PTPN12: variants seen among roughly 807,000 people sequenced by gnomAD.
The protein encoded by PTPN12 is tyrosine-protein phosphatase non-receptor type 12.
A neutral mutation model predicts 97.6 loss-of-function variants in PTPN12; 29 were observed. The observed-to-expected ratio is 0.30, with a 90% confidence interval of 0.22 to 0.41. PTPN12 has a LOEUF of 0.41. PTPN12 is among the 10% of genes least tolerant of loss of function. The pLI is 1.00. For synonymous variants in PTPN12, 327 were observed against 300.4 expected (o/e 1.09, Z -0.91); for missense variants, 819 against 926.0 (o/e 0.88, Z 1.50).
At chr7:77,597,584 A>C (rs1327408568) in intron 6 of PTPN12, among the ~76,000 whole-genome samples, 1 of 152,130 alleles carries the variant, frequency 6.6e-6, no homozygotes, top group Non-Finnish European at 1.5e-5. Context: ...ATACTTATTA[A>C]TGGGGTACAT....
intron 13 of PTPN12, among the ~76,000 whole-genome samples, chr7:77,631,152 A>G (rs76909229): frequency 0.015 from 2,240 of 152,244 alleles, 55 homozygotes; most frequent in African/African-American, 0.051. Context: ...AAGGAGACAT[A>G]TGGTGATGAC....
At chr7:77,537,774 G>A (rs950598887) in intron 1 of PTPN12, 129 bp downstream of exon 1, 3 of 1,032,358 alleles carry the variant, frequency 2.9e-6, no homozygotes, top group South Asian at 4.1e-5. Flanking sequence ...GCACCAGCCG[G>A]GTGAGCCGGG....
At chr7:77,564,757 T>TTTTG (rs1808178272) in intron 1 of PTPN12, among the ~76,000 whole-genome samples, 17 of 92,436 alleles carry the variant, frequency 1.8e-4, no homozygotes, top group Non-Finnish European at 2.9e-4. Context: ...TTTTTTTTTT[T>TTTTG]TTTTTTTTTT....
intron 1 of PTPN12, among the ~76,000 whole-genome samples, chr7:77,557,902 C>T (rs866852496): frequency 1.7e-4 from 26 of 152,090 alleles, no homozygotes; most frequent in Non-Finnish European, 2.6e-4. Context: ...CTCAAAAATT[C>T]GTAATAATTC....
chr7:77,576,097 G>A (rs778355332), intron 2 of PTPN12, among the ~76,000 whole-genome samples: 3 of 152,076 alleles, frequency 2.0e-5, no homozygotes, highest in African/African-American at 4.8e-5. Flanking sequence ...CTCGTGATCC[G>A]CCTGCCTCGG....
intron 6 of PTPN12, among the ~76,000 whole-genome samples, chr7:77,594,083 T>C (rs1787948095): frequency 6.6e-6 from 1 of 152,230 alleles, no homozygotes; most frequent in Non-Finnish European, 1.5e-5. Flanking sequence ...ATGTTAACTA[T>C]AACTCACCAT....
intron 16 of PTPN12, among the ~76,000 whole-genome samples, chr7:77,638,103 G>A (rs1429562689): frequency 1.3e-5 from 2 of 150,600 alleles, no homozygotes; most frequent in African/African-American, 2.4e-5. Context: ...GACTACAGGC[G>A]CCCGCCACCA....
chr7:77,599,982 A>G (rs1788141756), intron 7 of PTPN12, among the ~76,000 whole-genome samples: 1 of 152,240 alleles, frequency 6.6e-6, no homozygotes, highest in East Asian at 1.9e-4. Flanking sequence ...AAATTTTTAA[A>G]AAACATGAAT....
intron 9 of PTPN12, 170 bp downstream of exon 9, chr7:77,607,471 G>A (rs1051001402): frequency 1.0e-5 from 5 of 502,156 alleles, no homozygotes; most frequent in Admixed American, 3.7e-5. Context: ...AGTGGCTTAC[G>A]CCTGTAATCC....
At chr7:77,599,140 A>G (rs762587123) in intron 7 of PTPN12, among the ~76,000 whole-genome samples, 6 of 151,932 alleles carry the variant, frequency 3.9e-5, no homozygotes, top group Admixed American at 6.6e-5. Context: ...TGGAATAGTT[A>G]TACCTTCTTT....
Position 77,571,203 on chromosome 7 carries a change from C to T in PTPN12, c.208+17C>T. ...TACTGCCATGTAAGTTGGAAATGCC[C>T]TTGATAAAATACATAGAAATGCTAA... On this transcript the variant is annotated intron_variant, in intron 2 of 17. Coordinates refer to ENST00000248594, the MANE Select transcript of PTPN12 (RefSeq NM_002835.4). The T allele has an allele frequency of 6.8e-7, 1 of 1,477,106 alleles. No homozygotes were observed. The highest frequency in any genetic ancestry group is 9.3e-7 in the Non-Finnish European group (1 of 1,072,614). 91.5% of individuals were successfully genotyped at this position (1,477,106 alleles called of 1,614,324 possible).
chr7:77,598,067 A>G (rs933665698), intron 7 of PTPN12, among the ~76,000 whole-genome samples, 166 bp downstream of exon 7: 5 of 152,080 alleles, frequency 3.3e-5, no homozygotes, highest in African/African-American at 4.8e-5. Context: ...GTGTCTACAA[A>G]AAGAAAAAAG....
chr7:77,541,380 G>A (rs778957905), intron 1 of PTPN12, among the ~76,000 whole-genome samples: 11 of 152,124 alleles, frequency 7.2e-5, no homozygotes, highest in African/African-American at 2.2e-4. Flanking sequence ...GTGAGCCACC[G>A]TAGCCGGCCT....
chr7:77,559,479 T>C (rs747961985), intron 1 of PTPN12, among the ~76,000 whole-genome samples: 8 of 152,216 alleles, frequency 5.3e-5, no homozygotes, highest in Admixed American at 1.3e-4. Flanking sequence ...CTTGGTAACA[T>C]TGTAGGTGAT....
At position 77,537,325 on chromosome 7, in the gene PTPN12, G is replaced by A; in HGVS notation, c.-222G>A. The A allele has an allele frequency of 3.7e-6, 2 of 538,980 alleles. No homozygotes were observed. Among genetic ancestry groups the A allele is most frequent in the Non-Finnish European group, 6.1e-6 (2 of 326,282 alleles). 33.4% of individuals were successfully genotyped at this position (538,980 alleles called of 1,614,324 possible). On this transcript the variant is annotated 5_prime_UTR_variant, in exon 1 of 18. Transcript: ENST00000248594. ...CGCAGCGGCTCGCCTGGTACTGTGG[G>A]AGAGCGGCGGCTGCTCCTGGAAGTT...
intron 1 of PTPN12, chr7:77,538,012 C>A: frequency 2.9e-6 from 3 of 1,031,924 alleles, no homozygotes; most frequent in Non-Finnish European, 3.5e-6. Context: ...CACCTCCCCG[C>A]GCAGTTCGCT....
intron 9 of PTPN12, among the ~76,000 whole-genome samples, chr7:77,608,424 C>A (rs529669795): frequency 2.5e-4 from 38 of 152,258 alleles, no homozygotes; most frequent in African/African-American, 8.7e-4. Flanking sequence ...GTGTTTGATA[C>A]TGTGGATGAT....
chr7:77,585,428 A>T, intron 4 of PTPN12, 115 bp from the exon 5 acceptor site: 1 of 811,996 alleles, frequency 1.2e-6, no homozygotes, highest in Non-Finnish European at 2.0e-6. Context: ...CTACTTTTTT[A>T]GGCAAGCCAA....
chr7:77,608,465 T>C (rs563333534), intron 9 of PTPN12, among the ~76,000 whole-genome samples: 3 of 152,358 alleles, frequency 2.0e-5, no homozygotes, highest in African/African-American at 4.8e-5. Flanking sequence ...GCCTTCATTA[T>C]AGATTTGAAA....
Sources: gnomAD v4.1 joint callset for allele counts (sites outside exome capture counted in the v4.1 genomes callset) on GRCh38, gnomAD v4.1.1 for gene constraint, MANE v1.5 for transcripts, NCBI Gene and HGNC (gene_info 2026-07-23, HGNC 2026-07-21) for gene names.